GPC5: variants seen among roughly 807,000 people sequenced by gnomAD.
GPC5 encodes glypican 5.
A neutral mutation model predicts 53.9 loss-of-function variants in GPC5; 47 were observed. That is an observed-to-expected ratio of 0.87 (90% CI 0.69 to 1.11). The LOEUF (loss-of-function observed/expected upper bound fraction) is 1.11. Among genes scored for constraint, GPC5 ranks in the 50% most tolerant of loss-of-function variants. GPC5 has a pLI of 0.00. For synonymous variants in GPC5, 286 were observed against 263.3 expected, an observed-to-expected ratio of 1.09 and a Z score of -0.84; for missense variants, 748 against 713.1, an observed-to-expected ratio of 1.05 and a Z score of -0.56.
At chr13:91,578,379 G>A (rs1179411245) in intron 2 of GPC5, among the ~76,000 whole-genome samples, 1 of 152,152 alleles carries the variant, frequency 6.6e-6, no homozygotes, top group Non-Finnish European at 1.5e-5. Flanking sequence ...GTCTTATGCA[G>A]CACTAGGTTA....
intron 7 of GPC5, among the ~76,000 whole-genome samples, chr13:92,368,710 C>T (rs571736817): frequency 3.8e-4 from 56 of 145,948 alleles, no homozygotes; most frequent in African/African-American, 1.3e-3. Flanking sequence ...ATTTTGATCT[C>T]AATTATGAAA....
intron 7 of GPC5, among the ~76,000 whole-genome samples, chr13:92,421,314 A>G (rs894935608): frequency 6.6e-6 from 1 of 152,156 alleles, no homozygotes; most frequent in Non-Finnish European, 1.5e-5. Flanking sequence ...CTGTGACTCT[A>G]TGTCACAAAT....
chr13:92,706,053 C>G (rs1321443092), intron 7 of GPC5: 1 of 152,066 alleles, frequency 6.6e-6, no homozygotes, highest in East Asian at 1.9e-4. Context: ...GTGCCCTGCA[C>G]TCCAGCCTGT....
intron 1 of GPC5, among the ~76,000 whole-genome samples, chr13:91,439,271 C>T (rs1166365229): frequency 6.6e-6 from 1 of 152,202 alleles, no homozygotes; most frequent in African/African-American, 2.4e-5. Context: ...ATGCTAGTGG[C>T]ATCTAATGGG....
At chr13:92,041,695 C>T (rs2040943122) in intron 6 of GPC5, among the ~76,000 whole-genome samples, 1 of 152,158 alleles carries the variant, frequency 6.6e-6, no homozygotes, top group Admixed American at 6.5e-5. Context: ...CGCCTTTATT[C>T]ATCCACTGCT....
chr13:91,902,079 A>ACTGAT (rs1399959204), intron 5 of GPC5, among the ~76,000 whole-genome samples: 1 of 152,032 alleles, frequency 6.6e-6, no homozygotes, highest in Admixed American at 6.6e-5. Flanking sequence ...GACCCCTGTA[A>ACTGAT]CTGATTTGTA....
intron 5 of GPC5, among the ~76,000 whole-genome samples, chr13:91,811,752 A>G (rs1268588421): frequency 1.3e-5 from 2 of 152,204 alleles, no homozygotes; most frequent in East Asian, 3.9e-4. Context: ...AGTCATTATA[A>G]CTATCCACTA....
intron 7 of GPC5, among the ~76,000 whole-genome samples, chr13:92,781,053 A>C (rs1034889320): frequency 5.3e-5 from 8 of 152,150 alleles, no homozygotes; most frequent in African/African-American, 1.9e-4. Context: ...ACATCTTCAC[A>C]TCAAAAAGTT....
At chr13:92,526,432 T>A (rs1471220168) in intron 7 of GPC5, among the ~76,000 whole-genome samples, 4 of 151,960 alleles carry the variant, frequency 2.6e-5, no homozygotes, top group Non-Finnish European at 5.9e-5. Context: ...AAAACAGAAA[T>A]AAGTCCAGTG....
Position 92,115,403 on chromosome 13 carries a change from G to C in GPC5, c.1402-29427G>C, listed in dbSNP as rs545014025. On this transcript the variant is annotated intron_variant, in intron 6 of 7. Transcript: ENST00000377067. ...TGCCTATAGTCTCAGCTACTGGGAA[G>C]GTTGAAGCAGGAGAGTTGCTTGAAC... 8.1e-4 allele frequency among the ~76,000 whole-genome samples: 123 copies of C among 152,274 alleles called. 1 individual carries two copies. The Middle Eastern group carries it at 0.031, about 38-fold the overall frequency.
At chr13:92,067,347 G>T (rs957976898) in intron 6 of GPC5, among the ~76,000 whole-genome samples, 12 of 152,018 alleles carry the variant, frequency 7.9e-5, no homozygotes, top group African/African-American at 2.4e-4. Context: ...GATTGCTTAA[G>T]AATGCAAGCT....
chr13:91,906,971 TTA>T (rs1206626059), intron 5 of GPC5, among the ~76,000 whole-genome samples: 2 of 150,520 alleles, frequency 1.3e-5, no homozygotes, highest in African/African-American at 4.9e-5. Flanking sequence ...CCTTGTACAG[TTA>T]TATATTTTTT....
rs572247793 is a variant in GPC5, at chr13:92,020,007, C to G, written c.1401+111950C>G. ...GTTATTGGTAGGGCTATGTTTATTT[C>G]CAGAGGCTCTAGAGAAGAATTCATT... is the stretch of plus-strand genomic sequence containing the variant. On this transcript the variant is annotated intron_variant, in intron 6 of 7. Transcript: ENST00000377067. Among the ~76,000 whole-genome samples, 13 of 152,158 alleles carry G rather than the reference C, an allele frequency of 8.5e-5. No individual in the cohort carries two copies. The South Asian group carries it at 1.9e-3, about 22-fold the overall frequency.
At chr13:92,341,144 A>G (rs1166357251) in intron 7 of GPC5, among the ~76,000 whole-genome samples, 1 of 152,168 alleles carries the variant, frequency 6.6e-6, no homozygotes, top group African/African-American at 2.4e-5. Context: ...ATTCTCAAGT[A>G]GAGATTAGTT....
At chr13:92,342,532 G>A (rs1169395150) in intron 7 of GPC5, among the ~76,000 whole-genome samples, 3 of 152,064 alleles carry the variant, frequency 2.0e-5, no homozygotes, top group Non-Finnish European at 2.9e-5. Context: ...TCCATATGAA[G>A]ACACACATAA....
At chr13:91,953,481 T>A (rs1423903337) in intron 6 of GPC5, among the ~76,000 whole-genome samples, 1 of 151,916 alleles carries the variant, frequency 6.6e-6, no homozygotes, top group Non-Finnish European at 1.5e-5. Context: ...AATTGGTAAA[T>A]CTCTTCTAAA....
chr13:92,628,260 C>CTTTTTTTTTTTTTTTTTTT (rs1286424637), intron 7 of GPC5, among the ~76,000 whole-genome samples: 7 of 37,548 alleles, frequency 1.9e-4, no homozygotes, highest in African/African-American at 4.1e-4. Context: ...TTTTCTTTTT[C>CTTTTTTTTTTTTTTTTTTT]TTTCTTTTTT....
At chr13:92,848,303 T>C (rs966087858) in intron 7 of GPC5, among the ~76,000 whole-genome samples, 3 of 152,222 alleles carry the variant, frequency 2.0e-5, no homozygotes, top group Non-Finnish European at 2.9e-5. Flanking sequence ...GAATTTTCTA[T>C]GGTTTCTAGA....
At chr13:92,741,678 C>T (rs1313341809) in intron 7 of GPC5, among the ~76,000 whole-genome samples, 1 of 152,004 alleles carries the variant, frequency 6.6e-6, no homozygotes, top group Admixed American at 6.6e-5. Flanking sequence ...TGTTGCTGTG[C>T]TGCACCCATT....
Sources: gnomAD v4.1 joint callset for allele counts (sites outside exome capture counted in the v4.1 genomes callset) on GRCh38, gnomAD v4.1.1 for gene constraint, MANE v1.5 for transcripts, NCBI Gene and HGNC (gene_info 2026-07-23, HGNC 2026-07-21) for gene names.